EIF4E3: variants seen among roughly 807,000 people sequenced by gnomAD.
The protein encoded by EIF4E3 is eukaryotic translation initiation factor 4E type 3.
In EIF4E3, 26 loss-of-function variants were observed where a neutral mutation model predicts 31.7. The observed-to-expected ratio is 0.82, with a 90% confidence interval of 0.60 to 1.14. EIF4E3 has a LOEUF of 1.14. Among genes scored for constraint, EIF4E3 ranks in the 50% most tolerant of loss-of-function variants. The probability of loss-of-function intolerance (pLI) is 0.00; values close to 1 mark genes in which losing one functional copy is unlikely to be tolerated. For missense variants in EIF4E3, 304 were observed against 270.9 expected (o/e 1.12, Z -0.86); for synonymous variants, 128 against 107.7 (o/e 1.19, Z -1.17).
In EIF4E3 at chr3:71,737,765, CAAAAAACA is replaced by C. The variant is rs926385955; in HGVS notation, c.-290-9150_-290-9143del. On this transcript the variant is annotated intron_variant, in intron 1 of 7. Transcript: ENST00000295612. Reference sequence around the variant, plus strand: ...GCATAGCAAGAACTCTCATCTCTACCAAAAAACAAACAAACAAACAAACAAACAAAAAA... The same window carrying C: ...GCATAGCAAGAACTCTCATCTCTACCAACAAACAAACAAACAAACAAAAAA... Among the ~76,000 whole-genome samples, 3 of 151,174 alleles carry C rather than the reference CAAAAAACA, an allele frequency of 2.0e-5. No individual in the cohort carries two copies. The South Asian group carries it at 6.3e-4, about 32-fold the overall frequency.
chr3:71,681,747 G>A lies in EIF4E3; in HGVS notation c.*2935C>T, dbSNP rs966929549. 3.3e-5 allele frequency: 5 copies of A among 152,200 alleles called. No individual in the cohort carries two copies. Among genetic ancestry groups the A allele is most frequent in the African/African-American group, 1.2e-4 (5 of 41,446 alleles). The allele number at this position is 152,200 out of a possible 1,614,324, so 9.4% of individuals were successfully genotyped here. A position where few individuals can be genotyped will look rare whatever the true frequency, so the allele number is the denominator to read the frequency against. On this transcript the variant is annotated 3_prime_UTR_variant, in exon 7 of 7. Transcript: ENST00000425534. ...GCTCAGTTGGTGGATTGTATATTAT[G>A]TCTATAGGACCCAATTATACCTAAA...
Position 71,684,530 on chromosome 3 carries a change from A to C in EIF4E3, c.*152T>G. The C allele has an allele frequency of 8.1e-6, 5 of 617,150 alleles. No homozygotes were observed. Among genetic ancestry groups the C allele is most frequent in the East Asian group, 3.4e-5 (1 of 29,246 alleles). 38.2% of individuals were successfully genotyped at this position (617,150 alleles called of 1,614,324 possible). A position where few individuals can be genotyped will look rare whatever the true frequency, so the allele number is the denominator to read the frequency against. ...ACAATCTCCCCCCACCCCACCTGCC[A>C]CTTTGAGTCCTAATTGCCCATCTGC... is the stretch of plus-strand genomic sequence containing the variant. On this transcript the variant is annotated 3_prime_UTR_variant, in exon 7 of 7. Transcript: ENST00000425534.
intron 6 of EIF4E3, among the ~76,000 whole-genome samples, chr3:71,685,934 G>T (rs1025447347): frequency 6.6e-6 from 1 of 152,128 alleles, no homozygotes; most frequent in Admixed American, 6.5e-5. Flanking sequence ...GGAGGCAGAT[G>T]GGCTGGCCCA....
chr3:71,675,363 G>A (rs1258378582), downstream of EIF4E3: 1 of 152,204 alleles, frequency 6.6e-6, no homozygotes, highest in Non-Finnish European at 1.5e-5. Flanking sequence ...AGAGTGTTAG[G>A]CATGTGTGTC....
chr3:71,728,868 A>AC (rs1270678697), upstream of EIF4E3: 1 of 152,226 alleles, frequency 6.6e-6, no homozygotes, highest in Non-Finnish European at 1.5e-5. Flanking sequence ...TCCAAATGAG[A>AC]AAAGAAAGGC....
At chr3:71,698,851 G>C (rs2049175730) in intron 3 of EIF4E3, among the ~76,000 whole-genome samples, 1 of 152,168 alleles carries the variant, frequency 6.6e-6, no homozygotes, top group African/African-American at 2.4e-5. Context: ...ACATGAGCTG[G>C]ATCTGCCAGA....
At chr3:71,689,886 G>T in intron 6 of EIF4E3, 124 bp downstream of exon 6, 4 of 922,628 alleles carry the variant, frequency 4.3e-6, no homozygotes, top group Non-Finnish European at 5.9e-6. Flanking sequence ...GTATTTTGTT[G>T]AATTATTTTC....
At chr3:71,663,124 CA>C in the EIF4E3 span, among the ~76,000 whole-genome samples, 5 of 152,140 alleles carry the variant, frequency 3.3e-5, no homozygotes, top group Admixed American at 3.3e-4. Flanking sequence ...CCATCCCCAT[CA>C]GAAGAGAAGA....
At chr3:71,731,841 T>A (rs2049709850) in intron 1 of EIF4E3, among the ~76,000 whole-genome samples, 1 of 152,208 alleles carries the variant, frequency 6.6e-6, no homozygotes, top group East Asian at 1.9e-4. Flanking sequence ...TTTGAAATTG[T>A]CCACACCTTG....
the EIF4E3 span, among the ~76,000 whole-genome samples, chr3:71,664,947 A>G: frequency 6.6e-6 from 1 of 152,190 alleles, no homozygotes; most frequent in Non-Finnish European, 1.5e-5. Context: ...TGACACAAAA[A>G]AGAACTAAGA....
chr3:71,725,317 C>T lies in EIF4E3; in HGVS notation c.51G>A (p.Pro17=). ...AAPPAGAREP[P]GSRAAAAAAA... is the part of the protein sequence containing the mutation. Reference sequence around the variant, plus strand: ...CGGCAGCGGCGGCGGCGCGGGACCCCGGCGGCTCCCGGGCCCCGGCGGGGG... The same window carrying T: ...CGGCAGCGGCGGCGGCGCGGGACCCTGGCGGCTCCCGGGCCCCGGCGGGGG... The change falls in exon 1 of 7, where the codon CCG becomes CCA. Residue 17 remains proline (P), a synonymous_variant. Coordinates refer to ENST00000425534, the MANE Select transcript of EIF4E3 (RefSeq NM_001134651.2). The surrounding 1 kb of genome is among the most constrained non-coding windows in gnomAD (Gnocchi z 6.1). 1.0e-6 allele frequency: 1 copy of T among 970,376 alleles called. No individual in the cohort carries two copies. The highest frequency in any genetic ancestry group is 1.2e-6 in the Non-Finnish European group (1 of 818,232). 60.1% of individuals were successfully genotyped at this position (970,376 alleles called of 1,614,324 possible). A position where few individuals can be genotyped will look rare whatever the true frequency, so the allele number is the denominator to read the frequency against.
intron 2 of EIF4E3, among the ~76,000 whole-genome samples, chr3:71,705,373 G>A (rs183574535): frequency 3.9e-5 from 6 of 152,228 alleles, no homozygotes; most frequent in Admixed American, 2.0e-4. Context: ...TGATATTATC[G>A]ACAGCACACA....
chr3:71,751,998 C>A lies in EIF4E3; in HGVS notation c.-291+1465G>T, dbSNP rs573044850. Among the ~76,000 whole-genome samples the A allele has an allele frequency of 1.5e-4, 23 of 152,320 alleles. No individual in the cohort carries two copies. In the South Asian group the frequency reaches 4.8e-3, roughly 32 times the overall value. On this transcript the variant is annotated intron_variant, in intron 1 of 7. Transcript: ENST00000295612. ...CCATACACCCTCCAAAATCTATTTT[C>A]TATCAACATACATTTACAGATGTGC... is the stretch of plus-strand genomic sequence containing the variant.
At chr3:71,687,702 C>A (rs1337100388) in intron 6 of EIF4E3, among the ~76,000 whole-genome samples, 2 of 152,184 alleles carry the variant, frequency 1.3e-5, no homozygotes, top group Non-Finnish European at 2.9e-5. Flanking sequence ...TAATGTGTAT[C>A]CATATCAAAT....
upstream of EIF4E3, among the ~76,000 whole-genome samples, chr3:71,728,076 T>G (rs544492661): frequency 1.2e-4 from 18 of 152,354 alleles, no homozygotes; most frequent in African/African-American, 4.3e-4. Flanking sequence ...AGCATCACTA[T>G]TTTTATATTT....
chr3:71,699,523 T>G, intron 3 of EIF4E3, 91 bp downstream of exon 3: 169 of 1,166,724 alleles, frequency 1.4e-4, no homozygotes, highest in Middle Eastern at 1.9e-4. Context: ...GTTGTCCATG[T>G]GAGACACACA....
At chr3:71,745,885 A>G (rs1320990146) in intron 1 of EIF4E3, among the ~76,000 whole-genome samples, 1 of 152,216 alleles carries the variant, frequency 6.6e-6, no homozygotes, top group East Asian at 1.9e-4. Flanking sequence ...TTAGAAAACC[A>G]TTATAGAAAT....
At chr3:71,695,338 T>C (rs1039278187) in intron 4 of EIF4E3, among the ~76,000 whole-genome samples, 1 of 152,192 alleles carries the variant, frequency 6.6e-6, no homozygotes, top group African/African-American at 2.4e-5. Context: ...AAAGCGTTAT[T>C]ATTTGTGACC....
intron 1 of EIF4E3, among the ~76,000 whole-genome samples, chr3:71,721,552 G>A (rs1380810608): frequency 1.3e-5 from 2 of 152,148 alleles, no homozygotes; most frequent in Non-Finnish European, 2.9e-5. Context: ...AAGGTAACCG[G>A]ATCATGGGGG....
Sources: allele counts gnomAD v4.1 joint callset (sites outside exome capture counted in the v4.1 genomes callset), GRCh38; gene constraint gnomAD v4.1.1; non-coding constraint Gnocchi (gnomAD v3.1); transcripts MANE v1.5; gene names NCBI Gene and HGNC (gene_info 2026-07-23, HGNC 2026-07-21).